Variants in MTCL2 observed in about 807,000 individuals in gnomAD.
MTCL2 encodes the protein microtubule crosslinking factor 2.
chr20:36,792,845 TAGATAGATAGATAGAC>T, the MTCL2 span, among the ~76,000 whole-genome samples: 2 of 145,564 alleles, frequency 1.4e-5, no homozygotes, highest in South Asian at 2.1e-4. Flanking sequence ...TATAGATAGA[TAGATAGATAGATAGAC>T]AGACAGACAG....
chr20:36,837,613 T>C, the MTCL2 span, among the ~76,000 whole-genome samples: 1 of 151,420 alleles, frequency 6.6e-6, no homozygotes. Context: ...AGTCTCACTC[T>C]GTCACCCTGG....
chr20:36,786,226 G>A, the MTCL2 span: 3 of 1,145,076 alleles, frequency 2.6e-6, no homozygotes, highest in African/African-American at 4.7e-5. Context: ...CTCAGTGGAT[G>A]CTTGGGAAGC....
chr20:36,839,516 G>T, the MTCL2 span: 1 of 1,391,434 alleles, frequency 7.2e-7, no homozygotes, highest in Non-Finnish European at 9.9e-7. The surrounding 1 kb of genome is among the most constrained non-coding windows in gnomAD (Gnocchi z 5.1). Flanking sequence ...GCCACACCTA[G>T]GACTGAATGA....
the MTCL2 span, chr20:36,804,970 G>T: frequency 6.4e-7 from 1 of 1,562,626 alleles, no homozygotes; most frequent in Admixed American, 1.7e-5. Flanking sequence ...TGGGTTCAGA[G>T]AACTCACCTA....
At chr20:36,811,642 C>CA in the MTCL2 span, among the ~76,000 whole-genome samples, 2 of 148,642 alleles carry the variant, frequency 1.3e-5, no homozygotes, top group South Asian at 2.1e-4. Context: ...AAAAAAAAAA[C>CA]AAAAAAAAGA....
At chr20:36,816,307 C>T in the MTCL2 span, 3 of 1,566,012 alleles carry the variant, frequency 1.9e-6, no homozygotes, top group Admixed American at 1.8e-5. Flanking sequence ...GCACTGTCCT[C>T]CTGGGACCAC....
chr20:36,859,817 T>C, the MTCL2 span: 14 of 1,231,568 alleles, frequency 1.1e-5, no homozygotes, highest in Non-Finnish European at 1.2e-5. Flanking sequence ...TCCTTTCCCT[T>C]GTACTCAGTT....
At chr20:36,863,221 C>T in the MTCL2 span, 1 of 1,207,162 alleles carries the variant, frequency 8.3e-7, no homozygotes, top group Non-Finnish European at 1.0e-6. The surrounding 1 kb of genome is among the most constrained non-coding windows in gnomAD (Gnocchi z 6.2). Flanking sequence ...CAGCCGGCCA[C>T]GTCTTTGGGC....
chr20:36,794,096 G>A, the MTCL2 span: 6 of 1,551,370 alleles, frequency 3.9e-6, no homozygotes, highest in African/African-American at 1.4e-5. The surrounding 1 kb of genome is among the most constrained non-coding windows in gnomAD (Gnocchi z 5.4). Context: ...CAGGGCCGCT[G>A]GGAAGCCAGG....
At chr20:36,796,243 C>G in the MTCL2 span, among the ~76,000 whole-genome samples, 2 of 152,218 alleles carry the variant, frequency 1.3e-5, no homozygotes, top group Admixed American at 1.3e-4. Context: ...CAAGAGGCAG[C>G]TCCTATCATC....
chr20:36,860,612 CCT>C, the MTCL2 span, among the ~76,000 whole-genome samples: 1 of 152,180 alleles, frequency 6.6e-6, no homozygotes, highest in African/African-American at 2.4e-5. Flanking sequence ...ATGTCCCGTG[CCT>C]CTGACAAGAG....
the MTCL2 span, among the ~76,000 whole-genome samples, chr20:36,860,565 G>A: frequency 8.5e-5 from 13 of 152,262 alleles, no homozygotes; most frequent in Non-Finnish European, 1.8e-4. Context: ...TGCCCTCACA[G>A]AATCCACAAG....
At chr20:36,798,012 G>T in the MTCL2 span, among the ~76,000 whole-genome samples, 1 of 152,064 alleles carries the variant, frequency 6.6e-6, no homozygotes, top group South Asian at 2.1e-4. Context: ...CCCCTCTTTG[G>T]AGCTCCATCA....
chr20:36,858,401 C>G, the MTCL2 span, among the ~76,000 whole-genome samples: 1 of 97,976 alleles, frequency 1.0e-5, no homozygotes, highest in African/African-American at 4.1e-5. Context: ...AAAACACACA[C>G]ACACACACAC....
At chr20:36,826,505 G>GT in the MTCL2 span, among the ~76,000 whole-genome samples, 1 of 150,084 alleles carries the variant, frequency 6.7e-6, no homozygotes, top group Non-Finnish European at 1.5e-5. Flanking sequence ...AACCTCCCTA[G>GT]TAGCTGGGAC....
the MTCL2 span, chr20:36,863,098 C>T: frequency 1.4e-6 from 2 of 1,400,278 alleles, no homozygotes; most frequent in South Asian, 2.8e-5. This position sits in a 1 kb window ranked among gnomAD's most constrained non-coding sequence, Gnocchi z 6.2. Context: ...ACACCCGCAC[C>T]GCGCGCCCCG....
the MTCL2 span, among the ~76,000 whole-genome samples, chr20:36,861,985 C>A: frequency 6.6e-6 from 1 of 152,222 alleles, no homozygotes. Flanking sequence ...CTGTTGTGTG[C>A]ACAAGGTCTG....
chr20:36,812,646 A>T, the MTCL2 span: 1 of 1,592,264 alleles, frequency 6.3e-7, no homozygotes, highest in Non-Finnish European at 8.6e-7. Flanking sequence ...TCTGCTTTTG[A>T]CAGGGCTCAG....
the MTCL2 span, among the ~76,000 whole-genome samples, chr20:36,806,263 C>T: frequency 6.6e-5 from 10 of 152,130 alleles, no homozygotes; most frequent in Admixed American, 2.0e-4. Flanking sequence ...GGGGGTTGGA[C>T]TGCTTGCTGA....
Sources: allele counts gnomAD v4.1 joint callset (sites outside exome capture counted in the v4.1 genomes callset), GRCh38; gene constraint gnomAD v4.1.1; non-coding constraint Gnocchi (gnomAD v3.1); transcripts MANE v1.5; gene names NCBI Gene and HGNC (gene_info 2026-07-23, HGNC 2026-07-21).